SYT7: variants seen among roughly 807,000 people sequenced by gnomAD.
The protein encoded by SYT7 is synaptotagmin 7.
In SYT7, 29 loss-of-function variants were observed where a neutral mutation model predicts 75.1. That is an observed-to-expected ratio of 0.39 (90% CI 0.29 to 0.53). The LOEUF (loss-of-function observed/expected upper bound fraction) is 0.53, where lower values mean the gene tolerates loss of function less well. SYT7 is among the 20% of genes least tolerant of loss of function. SYT7 has a pLI of 0.77. For synonymous variants in SYT7, 376 were observed against 401.7 expected, an observed-to-expected ratio of 0.94 and a Z score of 0.76; for missense variants, 693 against 953.2, an observed-to-expected ratio of 0.73 and a Z score of 3.59.
intron 1 of SYT7, among the ~76,000 whole-genome samples, chr11:61,571,514 G>A (rs1441874110): frequency 6.6e-6 from 1 of 152,234 alleles, no homozygotes; most frequent in Non-Finnish European, 1.5e-5. Context: ...AGTGACGTGG[G>A]CCACCACACC....
At position 61,556,078 on chromosome 11, in the gene SYT7, C is replaced by T. The variant is rs1258997157; in HGVS notation, c.135+26G>A. 5 of 1,602,728 alleles carry T rather than the reference C, an allele frequency of 3.1e-6. No individual in the cohort carries two copies. In the East Asian group the frequency reaches 1.1e-4, roughly 36 times the overall value. On this transcript the variant is annotated intron_variant, in intron 2 of 12. Coordinates refer to ENST00000539008, the MANE Select transcript of SYT7 (RefSeq NM_001365809.2). ...GCAGTGTGCAGGGCTAGGCACCACC[C>T]TCCAAGGGGCCCTCAGGAGCCTCAC...
At chr11:61,537,955 A>G (rs1482626087) in intron 7 of SYT7, among the ~76,000 whole-genome samples, 189 bp downstream of exon 7, 1 of 152,164 alleles carries the variant, frequency 6.6e-6, no homozygotes, top group Non-Finnish European at 1.5e-5. Context: ...AAGTGGCCTC[A>G]GACCCCAGGG....
chr11:61,520,720 G>A (rs1438113550), intron 12 of SYT7, among the ~76,000 whole-genome samples: 1 of 152,130 alleles, frequency 6.6e-6, no homozygotes, highest in Non-Finnish European at 1.5e-5. Context: ...CTACTTGGGA[G>A]GCTGAGGCAG....
In SYT7 at chr11:61,553,292, C is replaced by T. The variant is rs544932267; in HGVS notation, c.136-1829G>A. ...TGGCAGGACCCTCAGGCAGGAGCCCCGCCCCACTATTCTCCAGCACACAGG... is the reference window on the plus strand; with the variant it reads ...TGGCAGGACCCTCAGGCAGGAGCCCTGCCCCACTATTCTCCAGCACACAGG... On this transcript the variant is annotated intron_variant, in intron 2 of 12. Coordinates refer to ENST00000539008, the MANE Select transcript of SYT7 (RefSeq NM_001365809.2). The surrounding 1 kb of genome is among the most constrained non-coding windows in gnomAD (Gnocchi z 5.2). 6.6e-6 allele frequency among the ~76,000 whole-genome samples: 1 copy of T among 152,318 alleles called. No individual in the cohort carries two copies. The highest frequency in any genetic ancestry group is 1.5e-5 in the Non-Finnish European group (1 of 68,024).
chr11:61,582,870 C>T (rs968867911), upstream of SYT7, among the ~76,000 whole-genome samples: 4 of 152,192 alleles, frequency 2.6e-5, no homozygotes, highest in Admixed American at 2.6e-4. Flanking sequence ...GCTGGGACTG[C>T]AAGGTCTGCA....
At chr11:61,520,370 A>G (rs1311859540) in intron 12 of SYT7, among the ~76,000 whole-genome samples, 1 of 151,994 alleles carries the variant, frequency 6.6e-6, no homozygotes, top group Non-Finnish European at 1.5e-5. Context: ...CAAAAAATAC[A>G]AAAAAATTAG....
Position 61,515,653 on chromosome 11 carries a change from T to C in SYT7, c.*2974A>G, listed in dbSNP as rs1019139830. On this transcript the variant is annotated 3_prime_UTR_variant, in exon 13 of 13. Coordinates refer to ENST00000539008, the MANE Select transcript of SYT7 (RefSeq NM_001365809.2). The stretch of plus-strand genomic sequence containing the variant: ...GTTTGTGGCTGTTTTCCTCTGTCCC[T>C]TCCCTGGCATCTGGTGCCAGAGGGC... 2.0e-5 allele frequency: 3 copies of C among 152,604 alleles called. No individual in the cohort carries two copies. Among genetic ancestry groups the C allele is most frequent in the Admixed American group, 2.0e-4 (3 of 15,274 alleles). The allele number at this position is 152,604 out of a possible 1,614,324, so 9.5% of individuals were successfully genotyped here.
intron 12 of SYT7, among the ~76,000 whole-genome samples, chr11:61,520,830 AAAACAAAACG>A (rs1212483768): frequency 6.6e-6 from 1 of 152,244 alleles, no homozygotes; most frequent in Non-Finnish European, 1.5e-5. Flanking sequence ...CTCAAAAAAC[AAAACAAAACG>A]AAACAAAACG....
chr11:61,571,936 G>A (rs956201667), intron 1 of SYT7, among the ~76,000 whole-genome samples: 8 of 152,186 alleles, frequency 5.3e-5, no homozygotes, highest in Non-Finnish European at 1.0e-4. Flanking sequence ...TGCCACCTGG[G>A]CTCCTCTGAC....
chr11:61,577,178 C>G (rs1342312986), intron 1 of SYT7, among the ~76,000 whole-genome samples: 1 of 152,222 alleles, frequency 6.6e-6, no homozygotes, highest in Non-Finnish European at 1.5e-5. Flanking sequence ...GGTAACACAA[C>G]AGCTTGGGGG....
upstream of SYT7, chr11:61,581,131 G>C (rs1445726796): frequency 1.1e-5 from 2 of 174,646 alleles, no homozygotes; most frequent in Admixed American, 6.9e-5. Flanking sequence ...GTGTGAGCGC[G>C]TGTGTGAGCG....
intron 2 of SYT7, 91 bp downstream of exon 2, chr11:61,556,013 T>C: frequency 8.0e-7 from 1 of 1,249,944 alleles, no homozygotes; most frequent in Non-Finnish European, 1.1e-6. Context: ...CTTGGGAAAA[T>C]TCCCAAGCCT....
At chr11:61,562,478 A>C (rs1374851688) in intron 1 of SYT7, among the ~76,000 whole-genome samples, 1 of 152,218 alleles carries the variant, frequency 6.6e-6, no homozygotes, top group Non-Finnish European at 1.5e-5. Flanking sequence ...GACACGGAAT[A>C]AGTAGGCACT....
At chr11:61,569,439 G>C (rs2063860678) in intron 1 of SYT7, among the ~76,000 whole-genome samples, 2 of 152,092 alleles carry the variant, frequency 1.3e-5, no homozygotes, top group Admixed American at 1.3e-4. Flanking sequence ...AGAGCAAGGG[G>C]ACAAAAAGCT....
At chr11:61,525,445 C>A (rs1319310055) in intron 9 of SYT7, among the ~76,000 whole-genome samples, 1 of 152,096 alleles carries the variant, frequency 6.6e-6, no homozygotes, top group Admixed American at 6.5e-5. Flanking sequence ...CCCTTCAACA[C>A]CCCGACTCCT....
chr11:61,564,752 G>A (rs1344994299), intron 1 of SYT7, among the ~76,000 whole-genome samples: 1 of 152,238 alleles, frequency 6.6e-6, no homozygotes, highest in Admixed American at 6.5e-5. Flanking sequence ...ACCAGTTAGA[G>A]CCATGCCCAA....
At position 61,546,500 on chromosome 11, in the gene SYT7, G is replaced by C. The variant is rs2063194283; in HGVS notation, c.348-245C>G. 5.5e-6 allele frequency: 3 copies of C among 542,800 alleles called. No homozygotes were observed. The African/African-American group carries it at 5.8e-5, about 11-fold the overall frequency. 33.6% of individuals were successfully genotyped at this position (542,800 alleles called of 1,614,324 possible). ...AGCGGAGCCTGCAGAGGAGAGAGGG[G>C]GACCGGGCGGGCTGGGGGTCGGAGA... On this transcript the variant is annotated intron_variant, in intron 4 of 12. Coordinates refer to ENST00000539008, the MANE Select transcript of SYT7 (RefSeq NM_001365809.2). The surrounding 1 kb of genome is among the most constrained non-coding windows in gnomAD (Gnocchi z 7.6).
At chr11:61,550,601 A>G (rs2908211) in intron 3 of SYT7, among the ~76,000 whole-genome samples, 148,058 of 152,256 alleles carry the variant, frequency 0.97, 72,101 homozygotes, top group East Asian at 1. Flanking sequence ...GGGCTCAGCA[A>G]AGAGGAAGGG....
chr11:61,564,741 T>C (rs1258788428), intron 1 of SYT7, among the ~76,000 whole-genome samples: 1 of 152,202 alleles, frequency 6.6e-6, no homozygotes, highest in Non-Finnish European at 1.5e-5. Context: ...CCAAGAATTT[T>C]ACCAGTTAGA....
Sources: allele counts gnomAD v4.1 joint callset (sites outside exome capture counted in the v4.1 genomes callset), GRCh38; gene constraint gnomAD v4.1.1; non-coding constraint Gnocchi (gnomAD v3.1); transcripts MANE v1.5; gene names NCBI Gene and HGNC (gene_info 2026-07-23, HGNC 2026-07-21).